The following MAF variants were observed in gnomAD, a reference collection of about 807,000 sequenced individuals.
The protein encoded by MAF is transcription factor Maf.
A neutral mutation model predicts 22.0 loss-of-function variants in MAF; 10 were observed. The observed-to-expected ratio is 0.45, with a 90% CI of 0.28 to 0.77. The LOEUF is 0.77. MAF is among the 30% of genes least tolerant of loss of function. The probability of loss-of-function intolerance (pLI) is 0.12; values close to 1 mark genes in which losing one functional copy is unlikely to be tolerated. For missense variants in MAF, 544 were observed against 548.4 expected (o/e 0.99, Z 0.08); for synonymous variants, 337 against 255.8 (o/e 1.32, Z -3.03).
At chr16:79,494,716 T>G in the MAF span, among the ~76,000 whole-genome samples, 12 of 152,304 alleles carry the variant, frequency 7.9e-5, no homozygotes, top group East Asian at 2.3e-3. Flanking sequence ...AGACACTGAC[T>G]GAGTGTCCCG....
chr16:79,314,984 T>C, the MAF span, among the ~76,000 whole-genome samples: 2 of 152,244 alleles, frequency 1.3e-5, no homozygotes, highest in East Asian at 3.8e-4. Context: ...CTCTGCAGTA[T>C]TGAGACACAG....
At chr16:79,444,837 A>G in the MAF span, among the ~76,000 whole-genome samples, 1 of 152,130 alleles carries the variant, frequency 6.6e-6, no homozygotes, top group Admixed American at 6.5e-5. Flanking sequence ...TCCCAGATTG[A>G]TTTCAATGAT....
the MAF span, among the ~76,000 whole-genome samples, chr16:79,543,963 G>A: frequency 4.1e-3 from 628 of 152,244 alleles, 2 homozygotes; most frequent in African/African-American, 0.014. Flanking sequence ...AGGGATTACA[G>A]GCGTGAACCA....
chr16:79,461,426 C>T, the MAF span, among the ~76,000 whole-genome samples: 3 of 152,258 alleles, frequency 2.0e-5, no homozygotes, highest in East Asian at 5.8e-4. Context: ...TGGCTCCATA[C>T]TTGTCTGCAT....
chr16:79,531,583 T>C, the MAF span, among the ~76,000 whole-genome samples: 5 of 152,130 alleles, frequency 3.3e-5, no homozygotes, highest in African/African-American at 1.2e-4. Context: ...TGACAGATCA[T>C]CAGGCATTAG....
chr16:79,493,235 G>A, the MAF span, among the ~76,000 whole-genome samples: 1 of 151,920 alleles, frequency 6.6e-6, no homozygotes, highest in Non-Finnish European at 1.5e-5. Flanking sequence ...CAGGCTGGAG[G>A]ACAGTGGCAT....
chr16:79,260,833 T>TA, the MAF span, among the ~76,000 whole-genome samples: 572 of 144,468 alleles, frequency 4.0e-3, 2 homozygotes, highest in Middle Eastern at 0.021. Context: ...GAGGCCAAAT[T>TA]AAAAAAAAAA....
At chr16:79,556,663 T>C in the MAF span, among the ~76,000 whole-genome samples, 1 of 152,236 alleles carries the variant, frequency 6.6e-6, no homozygotes, top group Non-Finnish European at 1.5e-5. Flanking sequence ...TGTCTCTCTC[T>C]TATTCTTCAT....
At chr16:79,433,731 G>T in the MAF span, among the ~76,000 whole-genome samples, 2 of 152,090 alleles carry the variant, frequency 1.3e-5, no homozygotes, top group African/African-American at 2.4e-5. Context: ...GCCACCTCCT[G>T]GATGATAGTA....
At chr16:79,422,165 C>G in the MAF span, among the ~76,000 whole-genome samples, 8 of 152,124 alleles carry the variant, frequency 5.3e-5, no homozygotes, top group Non-Finnish European at 1.2e-4. Flanking sequence ...AAAAATGAAG[C>G]CTGAGCTGAT....
the MAF span, among the ~76,000 whole-genome samples, chr16:79,500,149 G>C: frequency 1.5e-3 from 225 of 152,284 alleles, 1 homozygote; most frequent in African/African-American, 5.1e-3. Flanking sequence ...CTGGCCTCCA[G>C]GACTTTGAGA....
the MAF span, among the ~76,000 whole-genome samples, chr16:79,347,565 T>C: frequency 6.6e-6 from 1 of 152,212 alleles, no homozygotes; most frequent in African/African-American, 2.4e-5. Context: ...AGAAAAGTTC[T>C]TGCGCTTCGC....
In MAF at chr16:79,599,098, T is replaced by G; in HGVS notation, c.805A>C (p.Met269Leu). 2.5e-6 allele frequency: 4 copies of G among 1,606,294 alleles called. No homozygotes were observed. Among genetic ancestry groups the G allele is most frequent in the Non-Finnish European group, 2.5e-6 (3 of 1,179,114 alleles). Residue 269 changes from methionine (M) to leucine (L), a missense_variant, in exon 1 of 2, where the codon ATG becomes CTG. Coordinates refer to ENST00000326043, the MANE Select transcript of MAF (RefSeq NM_005360.5). ...DRFSDEQLVTMSVRELNRQLR... is the reference protein window; with the variant it reads ...DRFSDEQLVTLSVRELNRQLR... ...TGCCGGTTCAGCTCGCGCACAGACA[T>G]GGTCACCAGCTGCTCGTCGGAGAAG...
At chr16:79,451,388 C>G in the MAF span, among the ~76,000 whole-genome samples, 2 of 152,140 alleles carry the variant, frequency 1.3e-5, no homozygotes, top group African/African-American at 4.8e-5. Flanking sequence ...GACCCAAGAC[C>G]ACAAAGGGAC....
the MAF span, among the ~76,000 whole-genome samples, chr16:79,249,120 C>A: frequency 1.3e-5 from 2 of 151,984 alleles, no homozygotes; most frequent in African/African-American, 4.8e-5. Context: ...GGATTAGTGC[C>A]TTTATAAAAG....
At chr16:79,278,771 G>A in the MAF span, among the ~76,000 whole-genome samples, 63 of 152,250 alleles carry the variant, frequency 4.1e-4, 1 homozygote, top group Non-Finnish European at 1.0e-4. Context: ...CGCCCTGACA[G>A]GGGGACAGGA....
chr16:79,282,667 G>A, the MAF span, among the ~76,000 whole-genome samples: 2 of 152,162 alleles, frequency 1.3e-5, no homozygotes, highest in African/African-American at 4.8e-5. Context: ...AAATTACTCA[G>A]TATCAGTTTG....
the MAF span, among the ~76,000 whole-genome samples, chr16:79,383,562 T>C: frequency 6.6e-6 from 1 of 152,202 alleles, no homozygotes; most frequent in Admixed American, 6.5e-5. Flanking sequence ...ACAAGTATGC[T>C]TTGATCTCAA....
At chr16:79,308,078 G>A in the MAF span, among the ~76,000 whole-genome samples, 33 of 152,342 alleles carry the variant, frequency 2.2e-4, no homozygotes, top group Middle Eastern at 3.4e-3. Flanking sequence ...ATCTGACAGA[G>A]CCTTGGGAAG....
Sources: gnomAD v4.1 joint callset for allele counts (sites outside exome capture counted in the v4.1 genomes callset) on GRCh38, gnomAD v4.1.1 for gene constraint, MANE v1.5 for transcripts, NCBI Gene and HGNC (gene_info 2026-07-23, HGNC 2026-07-21) for gene names.